The following VAT1L variants were observed in gnomAD, a reference collection of about 807,000 sequenced individuals.
VAT1L encodes vesicle amine transport 1 like.
VAT1L carries 34 observed loss-of-function variants against 44.1 expected under a neutral mutation model. That is an observed-to-expected ratio of 0.77 (90% confidence interval 0.59 to 1.03). VAT1L has a LOEUF of 1.03. Among genes scored for constraint, VAT1L ranks in the 50% least tolerant of loss-of-function variants. VAT1L has a pLI of 0.00. For missense variants in VAT1L, 615 were observed against 538.8 expected (o/e 1.14, Z -1.40); for synonymous variants, 253 against 202.2 (o/e 1.25, Z -2.13).
At chr16:77,859,599 CAGA>C (rs1460442350) in intron 3 of VAT1L, among the ~76,000 whole-genome samples, 1 of 152,200 alleles carries the variant, frequency 6.6e-6, no homozygotes, top group Non-Finnish European at 1.5e-5. Flanking sequence ...ACTCTGACCA[CAGA>C]AGGACTTTTG....
At position 77,808,297 on chromosome 16, in the gene VAT1L, C is replaced by T. The variant is rs567084183; in HGVS notation, c.234-8624C>T. ...CTAATGCCTGATGATCTGTCACTATCTCCTGTCACCCCCAGATGGGACCGT... is the reference window on the plus strand; with the variant it reads ...CTAATGCCTGATGATCTGTCACTATTTCCTGTCACCCCCAGATGGGACCGT... On this transcript the variant is annotated intron_variant, in intron 1 of 8. Coordinates refer to ENST00000302536, the MANE Select transcript of VAT1L (RefSeq NM_020927.3). Among the ~76,000 whole-genome samples the T allele has an allele frequency of 3.7e-4, 56 of 152,236 alleles. 1 individual carries two copies. The highest frequency in any genetic ancestry group is 1.2e-3 in the African/African-American group (48 of 41,552).
At chr16:77,846,882 A>C (rs1304962232) in intron 3 of VAT1L, among the ~76,000 whole-genome samples, 3 of 152,220 alleles carry the variant, frequency 2.0e-5, no homozygotes, top group Non-Finnish European at 2.9e-5. Flanking sequence ...TGGATAAAAA[A>C]AATTATTGAT....
chr16:77,859,482 T>G (rs1182815702), intron 3 of VAT1L, among the ~76,000 whole-genome samples: 1 of 152,138 alleles, frequency 6.6e-6, no homozygotes, highest in African/African-American at 2.4e-5. Flanking sequence ...TAGGGGCCAG[T>G]CTAGTGTGAT....
Position 77,789,557 on chromosome 16 carries a change from C to A in VAT1L, c.233+642C>A, listed in dbSNP as rs575707902. On this transcript the variant is annotated intron_variant, in intron 1 of 8. Coordinates refer to ENST00000302536, the MANE Select transcript of VAT1L (RefSeq NM_020927.3). ...CTGGATCCCGCCTCCTGCCCACTTCCTTCCCCGTAGCCTGACGGGGAAAGG... is the reference window on the plus strand; with the variant it reads ...CTGGATCCCGCCTCCTGCCCACTTCATTCCCCGTAGCCTGACGGGGAAAGG... 3.3e-5 allele frequency among the ~76,000 whole-genome samples: 5 copies of A among 152,302 alleles called. No homozygotes were observed. In the East Asian group the frequency reaches 5.8e-4, roughly 18 times the overall value.
intron 7 of VAT1L, among the ~76,000 whole-genome samples, chr16:77,908,675 G>C (rs1252178881): frequency 6.6e-6 from 1 of 151,962 alleles, no homozygotes; most frequent in Non-Finnish European, 1.5e-5. Flanking sequence ...CAGCTCTTTG[G>C]GAGGCCGAGA....
chr16:77,841,319 G>T (rs1489822699), intron 3 of VAT1L, among the ~76,000 whole-genome samples: 2 of 152,210 alleles, frequency 1.3e-5, no homozygotes, highest in African/African-American at 4.8e-5. Flanking sequence ...CTGGGCTCAT[G>T]CAGTCCTCCT....
chr16:77,971,593 G>A (rs1013196905), intron 7 of VAT1L, among the ~76,000 whole-genome samples: 1 of 152,060 alleles, frequency 6.6e-6, no homozygotes, highest in Non-Finnish European at 1.5e-5. Flanking sequence ...CCCTTTTAAG[G>A]AATGTTCATC....
At chr16:77,975,194 CTTTTTTTTTT>C (rs35017686) in intron 8 of VAT1L, among the ~76,000 whole-genome samples, 3,462 of 39,908 alleles carry the variant, frequency 0.087, 151 homozygotes, top group South Asian at 0.17. Flanking sequence ...GGAATGACCA[CTTTTTTTTTT>C]TTTTTTTTTT....
At chr16:77,866,585 T>A (rs562301878) in intron 4 of VAT1L, among the ~76,000 whole-genome samples, 1 of 151,456 alleles carries the variant, frequency 6.6e-6, no homozygotes, top group South Asian at 2.1e-4. Flanking sequence ...ACAGATATTG[T>A]TACGCTATTA....
At chr16:77,793,456 A>C (rs1010105848) in intron 1 of VAT1L, among the ~76,000 whole-genome samples, 4 of 152,192 alleles carry the variant, frequency 2.6e-5, no homozygotes, top group African/African-American at 9.7e-5. Context: ...GTTCGCCCCT[A>C]ACTGATACAA....
At chr16:77,790,865 A>G (rs548704320) in intron 1 of VAT1L, among the ~76,000 whole-genome samples, 1 of 152,212 alleles carries the variant, frequency 6.6e-6, no homozygotes, top group Non-Finnish European at 1.5e-5. Flanking sequence ...AAGCATTTTG[A>G]AATAATAAAT....
intron 7 of VAT1L, among the ~76,000 whole-genome samples, chr16:77,891,211 G>C (rs182200157): frequency 1.4e-4 from 22 of 152,128 alleles, no homozygotes; most frequent in African/African-American, 4.8e-4. Flanking sequence ...AACATTAGCC[G>C]GGCGTGATGG....
intron 4 of VAT1L, among the ~76,000 whole-genome samples, chr16:77,864,279 G>A (rs1344013087): frequency 2.0e-5 from 3 of 152,134 alleles, no homozygotes; most frequent in South Asian, 2.1e-4. Context: ...AAGGTATTAC[G>A]TTGTCCAGAT....
At position 77,807,259 on chromosome 16, in the gene VAT1L, T is replaced by G. The variant is rs566156221; in HGVS notation, c.234-9662T>G. On this transcript the variant is annotated intron_variant, in intron 1 of 8. Coordinates refer to ENST00000302536, the MANE Select transcript of VAT1L (RefSeq NM_020927.3). ...CTAAAGCATCCTTTTAGAATCTCAG[T>G]GCTCACTCCCCCAGCTACCAGGAAT... Among the ~76,000 whole-genome samples, 10 of 152,262 alleles carry G rather than the reference T, an allele frequency of 6.6e-5. No individual in the cohort carries two copies. The South Asian group carries it at 2.1e-3, about 32-fold the overall frequency.
intron 7 of VAT1L, among the ~76,000 whole-genome samples, chr16:77,949,915 G>C (rs1299957362): frequency 6.6e-6 from 1 of 152,190 alleles, no homozygotes. Context: ...ACAGTTGGTT[G>C]TCACTTTTAT....
chr16:77,942,843 C>T (rs1034272604), intron 7 of VAT1L, among the ~76,000 whole-genome samples: 1 of 151,984 alleles, frequency 6.6e-6, no homozygotes, highest in East Asian at 1.9e-4. Flanking sequence ...CTCCCGGGTT[C>T]AAGCGATTAT....
intron 7 of VAT1L, among the ~76,000 whole-genome samples, chr16:77,911,209 TATCC>T (rs1289137791): frequency 1.3e-5 from 2 of 152,238 alleles, no homozygotes; most frequent in African/African-American, 4.8e-5. Context: ...TATCGTTGGT[TATCC>T]CAGTGTCCCA....
chr16:77,968,706 C>G (rs1355913348), intron 7 of VAT1L, among the ~76,000 whole-genome samples: 3 of 109,166 alleles, frequency 2.7e-5, no homozygotes, highest in African/African-American at 1.0e-4. Context: ...GCGTGGGCAA[C>G]AGAGACTCCA....
chr16:77,887,708 G>A (rs926521025), intron 7 of VAT1L, among the ~76,000 whole-genome samples: 3 of 152,180 alleles, frequency 2.0e-5, no homozygotes, highest in Admixed American at 6.5e-5. Context: ...GGCTGGCAGC[G>A]TGCTTGACTG....
Sources: gnomAD v4.1 joint callset for allele counts (sites outside exome capture counted in the v4.1 genomes callset) on GRCh38, gnomAD v4.1.1 for gene constraint, MANE v1.5 for transcripts, NCBI Gene and HGNC (gene_info 2026-07-23, HGNC 2026-07-21) for gene names.